The following NYAP2 variants were observed in gnomAD, a reference collection of about 807,000 sequenced individuals.
The protein encoded by NYAP2 is neuronal tyrosine-phosphorylated phosphoinositide-3-kinase adaptor 2, also known as neuronal tyrosine-phosphorylated phosphoinositide-3-kinase adapter 2.
In NYAP2, 23 loss-of-function variants were observed where a neutral mutation model predicts 50.4. The ratio of observed to expected loss-of-function variants is 0.46; its 90% confidence interval spans 0.33 to 0.65. NYAP2 has a LOEUF of 0.65. NYAP2 is among the 30% of genes least tolerant of loss of function. The pLI, the probability that NYAP2 is intolerant of heterozygous loss-of-function variation, is 0.02. For synonymous variants in NYAP2, 394 were observed against 365.2 expected (o/e 1.08, Z -0.90); for missense variants, 885 against 861.0 (o/e 1.03, Z -0.35).
At chr2:225,619,075 C>T (rs1358465380) in intron 5 of NYAP2, among the ~76,000 whole-genome samples, 2 of 152,024 alleles carry the variant, frequency 1.3e-5, no homozygotes, top group Non-Finnish European at 2.9e-5. Context: ...ATCTATGTCA[C>T]TAAAAAGAAC....
intron 4 of NYAP2, among the ~76,000 whole-genome samples, chr2:225,548,814 C>A (rs1691625932): frequency 6.6e-6 from 1 of 151,964 alleles, no homozygotes; most frequent in African/African-American, 2.4e-5. Flanking sequence ...TGTTTGGTTA[C>A]CTTGAAATAA....
chr2:225,409,207 A>G, intron 3 of NYAP2, 106 bp downstream of exon 3: 1 of 796,342 alleles, frequency 1.3e-6, no homozygotes, highest in South Asian at 1.8e-5. Flanking sequence ...TTCCAGAGTC[A>G]GTTAGACTTG....
intron 3 of NYAP2, among the ~76,000 whole-genome samples, chr2:225,413,527 A>G (rs1051683380): frequency 2.0e-5 from 3 of 152,104 alleles, no homozygotes; most frequent in African/African-American, 7.2e-5. Context: ...TAAAAATAAT[A>G]ACAGTCTTTT....
intron 3 of NYAP2, among the ~76,000 whole-genome samples, chr2:225,460,874 G>T (rs1339073867): frequency 2.0e-5 from 3 of 151,322 alleles, no homozygotes; most frequent in African/African-American, 7.3e-5. Context: ...GCACCTGTAG[G>T]CCCAGCTACT....
chr2:225,689,364 G>A, the NYAP2 span, among the ~76,000 whole-genome samples: 4 of 152,002 alleles, frequency 2.6e-5, no homozygotes, highest in African/African-American at 7.2e-5. Flanking sequence ...AATTGGTAAG[G>A]TAAGCAAGCC....
At chr2:225,428,694 T>C (rs926042278) in intron 3 of NYAP2, among the ~76,000 whole-genome samples, 9 of 152,346 alleles carry the variant, frequency 5.9e-5, no homozygotes, top group Admixed American at 1.3e-4. Flanking sequence ...AAGAGATTTC[T>C]GTGTATTCTG....
chr2:225,575,560 T>G (rs1692156141), intron 4 of NYAP2, among the ~76,000 whole-genome samples: 1 of 152,186 alleles, frequency 6.6e-6, no homozygotes, highest in Non-Finnish European at 1.5e-5. Context: ...AGGGTTTCAT[T>G]TTCATTATTG....
At chr2:225,627,066 A>C in exon 6 of NYAP2, 4 of 1,598,204 alleles carry the variant, frequency 2.5e-6, no homozygotes, top group Non-Finnish European at 3.4e-6. Flanking sequence ...ACCTGTGGTC[A>C]CCAGTCGACT....
At chr2:225,516,152 A>G (rs1414347600) in intron 4 of NYAP2, among the ~76,000 whole-genome samples, 2 of 152,142 alleles carry the variant, frequency 1.3e-5, no homozygotes, top group African/African-American at 2.4e-5. Flanking sequence ...TGTCTTAAAA[A>G]TAGAAGGGAT....
intron 3 of NYAP2, among the ~76,000 whole-genome samples, chr2:225,461,904 ATTAT>A (rs1689840448): frequency 6.6e-6 from 1 of 152,158 alleles, no homozygotes; most frequent in Non-Finnish European, 1.5e-5. Flanking sequence ...CTTTTGTTTT[ATTAT>A]TTATTTGAGT....
intron 3 of NYAP2, among the ~76,000 whole-genome samples, chr2:225,442,485 C>T (rs1559180820): frequency 6.6e-6 from 1 of 152,132 alleles, no homozygotes; most frequent in Non-Finnish European, 1.5e-5. Context: ...ACATTTCTCA[C>T]TTTGTGTTAG....
chr2:225,660,638 C>G, the NYAP2 span, among the ~76,000 whole-genome samples: 1 of 152,104 alleles, frequency 6.6e-6, no homozygotes, highest in Non-Finnish European at 1.5e-5. Flanking sequence ...TAGGTGGATA[C>G]ATGGCGCCAC....
At chr2:225,471,949 GATA>G (rs1690017751) in intron 3 of NYAP2, among the ~76,000 whole-genome samples, 1 of 150,648 alleles carries the variant, frequency 6.6e-6, no homozygotes, top group South Asian at 2.2e-4. Context: ...AGGTAAAAAT[GATA>G]ATAAGACTGT....
At chr2:225,703,013 CCTT>C in the NYAP2 span, 30 of 151,598 alleles carry the variant, frequency 2.0e-4, no homozygotes, top group Middle Eastern at 0.01. Flanking sequence ...GATTGGAACT[CCTT>C]AAGTTAACAT....
At chr2:225,594,888 T>G (rs777063644) in intron 5 of NYAP2, among the ~76,000 whole-genome samples, 2 of 152,176 alleles carry the variant, frequency 1.3e-5, no homozygotes, top group Non-Finnish European at 2.9e-5. Context: ...TCTGGGCTAT[T>G]GCTATTTCCA....
intron 5 of NYAP2, among the ~76,000 whole-genome samples, chr2:225,611,901 T>TAC (rs147331159): frequency 1.1e-3 from 159 of 145,612 alleles, no homozygotes; most frequent in Non-Finnish European, 1.6e-3. Flanking sequence ...TGTGTGTGTA[T>TAC]ACACACACAC....
intron 3 of NYAP2, among the ~76,000 whole-genome samples, chr2:225,449,923 C>A (rs543089156): frequency 5.3e-5 from 8 of 152,020 alleles, no homozygotes; most frequent in Non-Finnish European, 1.2e-4. Flanking sequence ...GGCCGATAAG[C>A]CATACACGAG....
the NYAP2 span, among the ~76,000 whole-genome samples, chr2:225,659,449 C>T: frequency 6.6e-6 from 1 of 152,104 alleles, no homozygotes; most frequent in Non-Finnish European, 1.5e-5. Flanking sequence ...CCCTACAGTC[C>T]TCACTGATGG....
chr2:225,462,889 C>G (rs1420107308), intron 3 of NYAP2, among the ~76,000 whole-genome samples: 1 of 152,176 alleles, frequency 6.6e-6, no homozygotes, highest in Non-Finnish European at 1.5e-5. Context: ...TCCGGATAAT[C>G]TTAGCCGTGT....
Sources: gnomAD v4.1 joint callset for allele counts (sites outside exome capture counted in the v4.1 genomes callset) on GRCh38, gnomAD v4.1.1 for gene constraint, MANE v1.5 for transcripts, NCBI Gene and HGNC (gene_info 2026-07-23, HGNC 2026-07-21) for gene names.